Variants in ERC2 observed in about 807,000 individuals in gnomAD.
ERC2 encodes ELKS/RAB6-interacting/CAST family member 2.
A neutral mutation model predicts 114.8 loss-of-function variants in ERC2; 42 were observed. The ratio of observed to expected loss-of-function variants is 0.37; its 90% CI spans 0.29 to 0.47. The LOEUF is 0.47. Ranked by LOEUF, ERC2 falls within the 20% of genes least tolerant of loss-of-function variation. The pLI, the probability that ERC2 is intolerant of heterozygous loss-of-function variation, is 0.99. For missense variants in ERC2, 939 were observed against 1,150.7 expected (o/e 0.82, Z 2.66); for synonymous variants, 454 against 425.5 (o/e 1.07, Z -0.82).
intron 15 of ERC2, among the ~76,000 whole-genome samples, chr3:55,705,538 C>G (rs1430686961): frequency 6.6e-6 from 1 of 152,192 alleles, no homozygotes; most frequent in East Asian, 1.9e-4. Context: ...GACAGAGCCA[C>G]AGCCATATAC....
At chr3:56,175,178 G>A (rs903036698) in intron 3 of ERC2, among the ~76,000 whole-genome samples, 1 of 152,114 alleles carries the variant, frequency 6.6e-6, no homozygotes, top group Non-Finnish European at 1.5e-5. Flanking sequence ...GGACCAGTGT[G>A]GGGGAGTTAA....
At position 56,245,037 on chromosome 3, in the gene ERC2, T is replaced by C. The variant is rs539685783; in HGVS notation, c.1074+50982A>G. On this transcript the variant is annotated intron_variant, in intron 3 of 17. Coordinates refer to ENST00000288221, the MANE Select transcript of ERC2 (RefSeq NM_015576.3). ...CCTAGAAGCATATCACATAGGTTTGTAGCATATTGCATAGCTGTATAGTAG... is the reference window on the plus strand; with the variant it reads ...CCTAGAAGCATATCACATAGGTTTGCAGCATATTGCATAGCTGTATAGTAG... Among the ~76,000 whole-genome samples, 44 of 152,344 alleles carry C rather than the reference T, an allele frequency of 2.9e-4. No individual in the cohort carries two copies. The South Asian group carries it at 7.9e-3, about 27-fold the overall frequency.
chr3:55,815,563 G>A (rs1348271637), intron 14 of ERC2, among the ~76,000 whole-genome samples: 4 of 152,182 alleles, frequency 2.6e-5, no homozygotes, highest in African/African-American at 9.7e-5. Flanking sequence ...CTGAGTCCTG[G>A]ATAAGGACTG....
At position 55,773,461 on chromosome 3, in the gene ERC2, C is replaced by G. The variant is rs111339283; in HGVS notation, c.2565-38543G>C. Among the ~76,000 whole-genome samples, 4 of 152,338 alleles carry G rather than the reference C, an allele frequency of 2.6e-5. 1 individual carries two copies. Among genetic ancestry groups the G allele is most frequent in the African/African-American group, 9.6e-5 (4 of 41,588 alleles). On this transcript the variant is annotated intron_variant, in intron 14 of 17. Transcript: ENST00000288221. ...CTTTCTCTTTAACACTTATCACTATCAAAATATCATATGCTAGGTTAAATC... is the reference window on the plus strand; with the variant it reads ...CTTTCTCTTTAACACTTATCACTATGAAAATATCATATGCTAGGTTAAATC...
chr3:56,194,372 A>T (rs1424988205), intron 3 of ERC2, among the ~76,000 whole-genome samples: 1 of 152,194 alleles, frequency 6.6e-6, no homozygotes, highest in Non-Finnish European at 1.5e-5. Flanking sequence ...GCGAGGCCCG[A>T]TCCAATGATG....
chr3:56,098,132 C>A (rs1028110133), intron 6 of ERC2, among the ~76,000 whole-genome samples: 4 of 152,170 alleles, frequency 2.6e-5, no homozygotes, highest in African/African-American at 9.7e-5. Flanking sequence ...GAAACTACAA[C>A]CTTCTGATGA....
chr3:55,963,872 A>G (rs953940368), intron 12 of ERC2, among the ~76,000 whole-genome samples: 5 of 152,332 alleles, frequency 3.3e-5, no homozygotes, highest in South Asian at 2.1e-4. Flanking sequence ...TTGCCCAGAC[A>G]ATATACAGCC....
At chr3:56,105,074 G>A (rs1265196705) in intron 6 of ERC2, among the ~76,000 whole-genome samples, 1 of 151,692 alleles carries the variant, frequency 6.6e-6, no homozygotes, top group Admixed American at 6.6e-5. Flanking sequence ...AGCATTCCAG[G>A]TAGAGGGAAG....
At chr3:55,808,700 T>TA (rs1357228818) in intron 14 of ERC2, among the ~76,000 whole-genome samples, 7 of 74,404 alleles carry the variant, frequency 9.4e-5, no homozygotes, top group South Asian at 4.8e-4. Context: ...ATACCATAAT[T>TA]TTATATATAT....
At chr3:56,442,773 T>G (rs2062379283) in intron 1 of ERC2, among the ~76,000 whole-genome samples, 2 of 152,246 alleles carry the variant, frequency 1.3e-5, no homozygotes, top group Admixed American at 1.3e-4. Context: ...AACATTTCAC[T>G]GAACACTTGA....
intron 8 of ERC2, among the ~76,000 whole-genome samples, chr3:56,016,947 C>A (rs761823713): frequency 6.6e-6 from 1 of 152,054 alleles, no homozygotes; most frequent in Non-Finnish European, 1.5e-5. Flanking sequence ...AGAGGAAAAC[C>A]CTCACAACAT....
At chr3:55,964,252 A>C (rs544036338) in intron 12 of ERC2, among the ~76,000 whole-genome samples, 2 of 152,352 alleles carry the variant, frequency 1.3e-5, no homozygotes, top group Admixed American at 1.3e-4. Flanking sequence ...ACGCTTAGAG[A>C]GGTTATATAA....
intron 4 of ERC2, among the ~76,000 whole-genome samples, chr3:56,170,199 T>G (rs1210359848): frequency 6.6e-6 from 1 of 152,208 alleles, no homozygotes; most frequent in East Asian, 1.9e-4. Context: ...CAAATAACTT[T>G]ATTCACTTTG....
intron 17 of ERC2, among the ~76,000 whole-genome samples, chr3:55,537,123 G>T (rs2054047702): frequency 6.6e-6 from 1 of 152,204 alleles, no homozygotes; most frequent in African/African-American, 2.4e-5. Context: ...TTGCCAGCAT[G>T]CTGGGAGGCC....
At chr3:56,204,340 T>C (rs569360326) in intron 3 of ERC2, among the ~76,000 whole-genome samples, 1 of 152,076 alleles carries the variant, frequency 6.6e-6, no homozygotes, top group Admixed American at 6.6e-5. Context: ...AAAAAATACT[T>C]GTGGGTTGGA....
intron 7 of ERC2, among the ~76,000 whole-genome samples, chr3:56,029,155 C>A (rs146990770): frequency 1.5e-3 from 235 of 152,120 alleles, no homozygotes; most frequent in African/African-American, 5.0e-3. Flanking sequence ...TTCACTTGGT[C>A]ATGCCATATT....
At chr3:55,957,669 G>T (rs183403982) in intron 12 of ERC2, among the ~76,000 whole-genome samples, 43 of 152,354 alleles carry the variant, frequency 2.8e-4, no homozygotes, top group African/African-American at 1.0e-3. Flanking sequence ...GATGAGGGGT[G>T]TGTGAGCAAG....
chr3:56,042,040 C>G (rs530460831), intron 7 of ERC2, among the ~76,000 whole-genome samples: 2 of 152,272 alleles, frequency 1.3e-5, no homozygotes, highest in South Asian at 4.1e-4. Context: ...AAGTGAGGTT[C>G]ACACTCAGAC....
At chr3:55,798,395 G>A (rs1278141442) in intron 14 of ERC2, among the ~76,000 whole-genome samples, 2 of 152,006 alleles carry the variant, frequency 1.3e-5, no homozygotes, top group Non-Finnish European at 2.9e-5. Context: ...TCAGGAGATC[G>A]AGACCATCCT....
Sources: gnomAD v4.1 joint callset for allele counts (sites outside exome capture counted in the v4.1 genomes callset) on GRCh38, gnomAD v4.1.1 for gene constraint, MANE v1.5 for transcripts, NCBI Gene and HGNC (gene_info 2026-07-23, HGNC 2026-07-21) for gene names.